The following SRFBP1 variants were observed in gnomAD, a reference collection of about 807,000 sequenced individuals.
SRFBP1 encodes the protein serum response factor-binding protein 1.
A neutral mutation model predicts 45.5 loss-of-function variants in SRFBP1; 47 were observed. That is an observed-to-expected ratio of 1.03 (90% CI 0.82 to 1.32). The LOEUF (loss-of-function observed/expected upper bound fraction) is 1.32, where lower values mean the gene tolerates loss of function less well. Ranked by LOEUF, SRFBP1 falls within the 40% of genes most tolerant of loss-of-function variation. SRFBP1 has a pLI of 0.00. For synonymous variants in SRFBP1, 203 were observed against 166.3 expected, an observed-to-expected ratio of 1.22 and a Z score of -1.70; for missense variants, 621 against 484.6, an observed-to-expected ratio of 1.28 and a Z score of -2.64.
At chr5:122,023,622 C>T (rs766243742) in intron 7 of SRFBP1, among the ~76,000 whole-genome samples, 1 of 152,082 alleles carries the variant, frequency 6.6e-6, no homozygotes, top group African/African-American at 2.4e-5. Context: ...CTTCATGGTC[C>T]GTGTCTAGGG....
At chr5:122,076,250 TG>T (rs1459824916), downstream of SRFBP1, among the ~76,000 whole-genome samples, 2 of 152,212 alleles carry the variant, frequency 1.3e-5, no homozygotes, top group Non-Finnish European at 2.9e-5. Context: ...TATGTTCAGG[TG>T]GTATTGATGA....
At chr5:122,070,471 G>T (rs1327930160) in intron 2 of SRFBP1, 2 of 1,284,342 alleles carry the variant, frequency 1.6e-6, no homozygotes, top group Non-Finnish European at 2.2e-6. Flanking sequence ...ATCAATATAT[G>T]ATATATTTTC....
chr5:121,962,665 G>A (rs1751974492), intron 1 of SRFBP1, among the ~76,000 whole-genome samples: 1 of 152,078 alleles, frequency 6.6e-6, no homozygotes, highest in Admixed American at 6.5e-5. Flanking sequence ...ATTCTCATCA[G>A]ACATTTGTTC....
intron 3 of SRFBP1, among the ~76,000 whole-genome samples, chr5:121,980,814 G>C (rs1326734483): frequency 6.6e-6 from 1 of 152,096 alleles, no homozygotes; most frequent in Non-Finnish European, 1.5e-5. Context: ...TCAGCAAGAT[G>C]CTTTGAATCT....
intron 3 of SRFBP1, among the ~76,000 whole-genome samples, chr5:121,988,018 A>G (rs1752550278): frequency 6.6e-6 from 1 of 152,212 alleles, no homozygotes; most frequent in African/African-American, 2.4e-5. Context: ...TTTTGACTTA[A>G]TTTGATATTT....
At chr5:122,023,762 C>A (rs913588370) in intron 7 of SRFBP1, among the ~76,000 whole-genome samples, 1 of 152,072 alleles carries the variant, frequency 6.6e-6, no homozygotes, top group African/African-American at 2.4e-5. Context: ...TTTTTCCATC[C>A]CAGGCTTGTG....
At position 122,053,479 on chromosome 5, in the gene SRFBP1, C is replaced by A. The variant is rs186935857; in HGVS notation, n.312-21836C>A. Among the ~76,000 whole-genome samples the A allele has an allele frequency of 5.6e-3, 853 of 152,248 alleles. 10 individuals carry two copies. Among genetic ancestry groups the A allele is most frequent in the African/African-American group, 0.019 (807 of 41,544 alleles). ...GCTGCACCCTCCAACTGAGTTCATG[C>A]AGAAGTGGGTCCACTGGGCCAGAAG... On this transcript the variant is annotated intron_variant and non_coding_transcript_variant, in intron 2 of 2. Coordinates refer to the SRFBP1 transcript ENST00000504881.
chr5:122,041,361 A>G (rs1753769994), intron 2 of SRFBP1, among the ~76,000 whole-genome samples: 1 of 152,160 alleles, frequency 6.6e-6, no homozygotes, highest in Admixed American at 6.6e-5. Flanking sequence ...AAGTGAAAGC[A>G]ATCAGTATAG....
At chr5:122,074,302 A>G (rs990406079) in intron 2 of SRFBP1, 14 of 700,972 alleles carry the variant, frequency 2.0e-5, no homozygotes, top group Non-Finnish European at 3.0e-5. Flanking sequence ...ATCTTCTAAA[A>G]GAGAGATTCA....
At chr5:121,985,526 CTTGAATGAAAGACA>C (rs1345945002) in intron 3 of SRFBP1, among the ~76,000 whole-genome samples, 1 of 151,468 alleles carries the variant, frequency 6.6e-6, no homozygotes, top group Non-Finnish European at 1.5e-5. Flanking sequence ...AAATAATAAA[CTTGAATGAAAGACA>C]TAGTTATTAA....
chr5:122,075,769 A>G (rs903389445), downstream of SRFBP1, among the ~76,000 whole-genome samples: 1 of 152,204 alleles, frequency 6.6e-6, no homozygotes, highest in African/African-American at 2.4e-5. Context: ...GAATAAGTGA[A>G]TGAATAACAC....
intron 4 of SRFBP1, among the ~76,000 whole-genome samples, chr5:122,018,790 A>G (rs1011311552): frequency 6.6e-6 from 1 of 152,212 alleles, no homozygotes; most frequent in Non-Finnish European, 1.5e-5. Context: ...GTAGACATTT[A>G]AAATAGAAAT....
chr5:122,076,490 G>A (rs1291161350), downstream of SRFBP1, among the ~76,000 whole-genome samples: 1 of 152,166 alleles, frequency 6.6e-6, no homozygotes, highest in Admixed American at 6.5e-5. Flanking sequence ...ATGAGGCTAC[G>A]ATGGCAAATT....
At chr5:122,008,352 T>G (rs912755764) in intron 4 of SRFBP1, among the ~76,000 whole-genome samples, 2 of 152,062 alleles carry the variant, frequency 1.3e-5, no homozygotes, top group African/African-American at 4.8e-5. Context: ...GTCTCAGTCC[T>G]TGGTTACCAG....
chr5:122,059,391 A>G (rs1185084306), intron 2 of SRFBP1, among the ~76,000 whole-genome samples: 1 of 152,060 alleles, frequency 6.6e-6, no homozygotes, highest in Non-Finnish European at 1.5e-5. Context: ...CTCTGACCTC[A>G]TCCCCTTACA....
intron 4 of SRFBP1, among the ~76,000 whole-genome samples, chr5:122,017,313 C>T (rs547788689): frequency 2.0e-5 from 3 of 152,284 alleles, no homozygotes; most frequent in South Asian, 4.1e-4. Context: ...GCCACACTTT[C>T]TCTGGAAGCT....
intron 4 of SRFBP1, among the ~76,000 whole-genome samples, chr5:122,010,441 G>A (rs1753068104): frequency 6.6e-6 from 1 of 152,100 alleles, no homozygotes; most frequent in African/African-American, 2.4e-5. Flanking sequence ...AGTTTTAATT[G>A]AAGATTAACA....
chr5:122,068,583 G>C (rs1331471352), intron 2 of SRFBP1, among the ~76,000 whole-genome samples: 1 of 152,118 alleles, frequency 6.6e-6, no homozygotes, highest in Non-Finnish European at 1.5e-5. Flanking sequence ...AGGCTGCAAG[G>C]TGGCAGACCT....
chr5:122,030,553 A>G (rs1753572363), downstream of SRFBP1, among the ~76,000 whole-genome samples: 3 of 151,874 alleles, frequency 2.0e-5, no homozygotes, highest in South Asian at 6.2e-4. Context: ...TTGCCCAATG[A>G]GATAAGCTTT....
Sources: allele counts gnomAD v4.1 joint callset (sites outside exome capture counted in the v4.1 genomes callset), GRCh38; gene constraint gnomAD v4.1.1; transcripts MANE v1.5; gene names NCBI Gene and HGNC (gene_info 2026-07-23, HGNC 2026-07-21).